Variants in ASIC2 observed in about 807,000 individuals in gnomAD.
The protein encoded by ASIC2 is acid-sensing ion channel 2.
Under a neutral mutation model 57.3 loss-of-function variants are expected in ASIC2, and 25 were observed. The observed-to-expected ratio is 0.44, with a 90% CI of 0.32 to 0.61. The LOEUF (loss-of-function observed/expected upper bound fraction) is 0.61. Ranked by LOEUF, ASIC2 falls within the 20% of genes least tolerant of loss-of-function variation. ASIC2 has a pLI of 0.06. For missense variants in ASIC2, 641 were observed against 738.1 expected (o/e 0.87, Z 1.52); for synonymous variants, 319 against 307.5 (o/e 1.04, Z -0.39).
intron 1 of ASIC2, among the ~76,000 whole-genome samples, chr17:33,209,795 A>G (rs9899129): frequency 0.32 from 48,356 of 152,190 alleles, 8,079 homozygotes; most frequent in South Asian, 0.48. Context: ...CAGTGTCCTT[A>G]GACTGAGTTT....
At chr17:33,836,300 A>G (rs1913273814) in intron 1 of ASIC2, among the ~76,000 whole-genome samples, 1 of 151,552 alleles carries the variant, frequency 6.6e-6, no homozygotes, top group Admixed American at 6.6e-5. Context: ...TTTAGTAGAG[A>G]CAGAATTTCA....
rs116499422 is a variant in ASIC2, at chr17:33,667,931, C to T, written c.555+488047G>A. On this transcript the variant is annotated intron_variant, in intron 1 of 9. Transcript: ENST00000359872. ...CCACACACAACCTCGTGACCATTAT[C>T]GGATACCAGAAAGTCCAGGCCTGCT... 8.0e-3 allele frequency among the ~76,000 whole-genome samples: 1,214 copies of T among 152,270 alleles called. 23 individuals are homozygous for T. Among genetic ancestry groups the T allele is most frequent in the African/African-American group, 0.028 (1,179 of 41,540 alleles).
At chr17:34,077,355 G>T (rs564988324) in intron 1 of ASIC2, among the ~76,000 whole-genome samples, 1 of 152,290 alleles carries the variant, frequency 6.6e-6, no homozygotes, top group Admixed American at 6.5e-5. Context: ...TGCGCTCATG[G>T]TCCTTGTGAT....
rs150924560 is a variant in ASIC2, at chr17:33,595,944, C to T, written c.556-483877G>A. On this transcript the variant is annotated intron_variant, in intron 1 of 9. Coordinates refer to the ASIC2 transcript ENST00000359872. ...TTCTGTTGCAAGCTAAATAGTTCCT[C>T]CCCCTCAGTAGAGTCTATGCTGTTT... Among the ~76,000 whole-genome samples the T allele has an allele frequency of 1.4e-3, 210 of 152,286 alleles. 1 individual carries two copies. Among genetic ancestry groups the T allele is most frequent in the African/African-American group, 4.6e-3 (192 of 41,560 alleles).
chr17:33,564,084 C>T (rs950881239), intron 1 of ASIC2, among the ~76,000 whole-genome samples: 1 of 152,142 alleles, frequency 6.6e-6, no homozygotes, highest in Non-Finnish European at 1.5e-5. Flanking sequence ...CCGCGGCAGC[C>T]CCCCTGAGGA....
rs1597669039 is a variant in ASIC2 at position 33,291,933 on chromosome 17, C to T, written c.183G>A (p.Leu61=). 1 of 1,551,126 alleles carries T rather than the reference C, an allele frequency of 6.4e-7. No individual in the cohort carries two copies. Among genetic ancestry groups the T allele is most frequent in the Non-Finnish European group, 8.6e-7 (1 of 1,157,240 alleles). Residue 61 remains leucine (L), a synonymous_variant, in exon 1 of 10, where the codon CTG becomes CTA. Transcript: ENST00000225823. ...PGVARRGRPS[L]SRAKLHGLRH... is the part of the protein sequence containing the mutation. ...GCAGCCCGTGCAGTTTAGCGCGGCTCAGCGATGGCCGCCCCCTGCGGGCGA... is the reference window on the plus strand; with the variant it reads ...GCAGCCCGTGCAGTTTAGCGCGGCTTAGCGATGGCCGCCCCCTGCGGGCGA...
intron 2 of ASIC2, among the ~76,000 whole-genome samples, chr17:33,106,582 C>T (rs926751943): frequency 2.6e-5 from 4 of 152,196 alleles, no homozygotes; most frequent in Middle Eastern, 3.2e-3. Flanking sequence ...TGGCCATCCA[C>T]AGGGCTGTCT....
At chr17:33,239,215 C>A (rs111549868) in intron 1 of ASIC2, among the ~76,000 whole-genome samples, 2 of 150,298 alleles carry the variant, frequency 1.3e-5, no homozygotes, top group African/African-American at 4.9e-5. Flanking sequence ...TGCTTGAACC[C>A]GGGAGGCGGA....
At chr17:33,684,468 G>A (rs1379174161) in intron 1 of ASIC2, among the ~76,000 whole-genome samples, 6 of 151,616 alleles carry the variant, frequency 4.0e-5, no homozygotes, top group Non-Finnish European at 8.8e-5. Flanking sequence ...TGTTCATGAC[G>A]ACCCTGACCC....
At chr17:33,198,405 A>G (rs531090282) in intron 1 of ASIC2, among the ~76,000 whole-genome samples, 15 of 152,360 alleles carry the variant, frequency 9.8e-5, no homozygotes, top group South Asian at 2.1e-4. Context: ...TGGGTCAATC[A>G]GTTGACTCAC....
At chr17:33,509,388 C>G (rs933365583) in intron 1 of ASIC2, among the ~76,000 whole-genome samples, 7 of 152,144 alleles carry the variant, frequency 4.6e-5, no homozygotes, top group African/African-American at 1.7e-4. Flanking sequence ...ACAGATGAGT[C>G]AAGTGAGGCT....
chr17:33,098,344 T>A (rs1018349325), intron 2 of ASIC2, among the ~76,000 whole-genome samples: 1 of 150,622 alleles, frequency 6.6e-6, no homozygotes, highest in African/African-American at 2.4e-5. Flanking sequence ...TTGTCCTTCC[T>A]CTCCAACCCT....
intron 1 of ASIC2, among the ~76,000 whole-genome samples, chr17:33,585,148 T>A (rs1028273478): frequency 2.0e-5 from 3 of 152,024 alleles, no homozygotes; most frequent in African/African-American, 7.2e-5. Context: ...GGAAAATGAT[T>A]TGTTCAAAGT....
At chr17:33,217,679 C>T (rs1477893036) in intron 1 of ASIC2, among the ~76,000 whole-genome samples, 1 of 152,210 alleles carries the variant, frequency 6.6e-6, no homozygotes, top group East Asian at 1.9e-4. Flanking sequence ...TCCAGGTTCC[C>T]TCTCATCCTG....
chr17:33,805,465 G>A (rs1225814198), intron 1 of ASIC2, among the ~76,000 whole-genome samples: 1 of 152,156 alleles, frequency 6.6e-6, no homozygotes, highest in Admixed American at 6.5e-5. Flanking sequence ...CAGTCTCCAA[G>A]AGCCTCACTT....
chr17:34,007,818 C>T (rs1209650817), intron 1 of ASIC2, among the ~76,000 whole-genome samples: 1 of 152,232 alleles, frequency 6.6e-6, no homozygotes, highest in Non-Finnish European at 1.5e-5. Flanking sequence ...AAAGAGCTTG[C>T]TGATTTTAGA....
chr17:33,173,070 A>T (rs1376279123), intron 1 of ASIC2, among the ~76,000 whole-genome samples: 2 of 152,064 alleles, frequency 1.3e-5, no homozygotes, highest in African/African-American at 4.8e-5. Context: ...ATACTCTGAG[A>T]CTCAGCATGG....
chr17:33,494,932 T>C (rs1348596414), intron 1 of ASIC2, among the ~76,000 whole-genome samples: 3 of 152,222 alleles, frequency 2.0e-5, no homozygotes, highest in African/African-American at 7.2e-5. Flanking sequence ...CCTGCTGTGC[T>C]CCAGGGTCTC....
chr17:33,661,939 C>T (rs912789406), intron 1 of ASIC2, among the ~76,000 whole-genome samples: 26 of 152,190 alleles, frequency 1.7e-4, no homozygotes, highest in Non-Finnish European at 2.9e-4. Flanking sequence ...GACTTTACTT[C>T]GCTCTGTCCC....
Sources: gnomAD v4.1 joint callset for allele counts (sites outside exome capture counted in the v4.1 genomes callset) on GRCh38, gnomAD v4.1.1 for gene constraint, MANE v1.5 for transcripts, NCBI Gene and HGNC (gene_info 2026-07-23, HGNC 2026-07-21) for gene names.